Variants in CFH observed in about 807,000 individuals in gnomAD.
The protein encoded by CFH is H factor 1 (complement).
In CFH, 53 loss-of-function variants were observed where a neutral mutation model predicts 147.3. That is an observed-to-expected ratio of 0.36 (90% CI 0.29 to 0.45). CFH has a LOEUF of 0.45. Ranked by LOEUF, CFH falls within the 20% of genes least tolerant of loss-of-function variation. The pLI is 1.00. For synonymous variants in CFH, 536 were observed against 489.4 expected (o/e 1.10, Z -1.26); for missense variants, 1,380 against 1,498.0 (o/e 0.92, Z 1.30).
At chr1:196,690,939 T>C (rs1423081369) in intron 9 of CFH, among the ~76,000 whole-genome samples, 2 of 152,124 alleles carry the variant, frequency 1.3e-5, no homozygotes, top group African/African-American at 4.8e-5. Context: ...TGAACATGCC[T>C]AGTCCCAGGT....
At chr1:196,706,755 A>T (rs193192255) in intron 9 of CFH, among the ~76,000 whole-genome samples, 69 of 152,246 alleles carry the variant, frequency 4.5e-4, no homozygotes, top group African/African-American at 1.6e-3. Context: ...AAAATAATTT[A>T]AAAATACCTA....
At chr1:196,652,258 T>G in intron 1 of CFH, 83 bp downstream of exon 1, 1 of 1,128,210 alleles carries the variant, frequency 8.9e-7, no homozygotes, top group Non-Finnish European at 1.3e-6. Flanking sequence ...AATAAAAATT[T>G]GATTTAGAAA....
At chr1:196,692,598 C>T (rs1261232772) in intron 9 of CFH, among the ~76,000 whole-genome samples, 4 of 70,678 alleles carry the variant, frequency 5.7e-5, no homozygotes, top group Admixed American at 2.0e-4. Flanking sequence ...TCCTTCTCTT[C>T]CTTCTTTCTT....
chr1:196,695,928 T>C lies in CFH; in HGVS notation c.1336+5689T>C, dbSNP rs1668248765. Among the ~76,000 whole-genome samples, 3 of 152,230 alleles carry C rather than the reference T, an allele frequency of 2.0e-5. No individual in the cohort carries two copies. In the South Asian group the frequency reaches 6.2e-4, roughly 32 times the overall value. On this transcript the variant is annotated intron_variant, in intron 9 of 21. Transcript: ENST00000367429. ...TTGAGACAGTGGGGTTTTCTAAATA[T>C]ACCATCATGTCATCTGCAAAAAGAG...
At chr1:196,672,546 C>T (rs942358708) in intron 1 of CFH, among the ~76,000 whole-genome samples, 1 of 152,152 alleles carries the variant, frequency 6.6e-6, no homozygotes, top group African/African-American at 2.4e-5. Flanking sequence ...TAATAACTGG[C>T]TTCCCTAATA....
chr1:196,730,550 T>C (rs1669258405), intron 15 of CFH, among the ~76,000 whole-genome samples: 2 of 151,834 alleles, frequency 1.3e-5, no homozygotes, highest in South Asian at 4.1e-4. Flanking sequence ...AATATGTGTT[T>C]TTTTGTTATG....
intron 9 of CFH, among the ~76,000 whole-genome samples, chr1:196,697,713 T>C (rs1668320252): frequency 6.6e-6 from 1 of 152,116 alleles, no homozygotes; most frequent in Non-Finnish European, 1.5e-5. Flanking sequence ...CACGTATGTT[T>C]ATTGCGGCAC....
At chr1:196,702,522 T>TA in intron 9 of CFH, among the ~76,000 whole-genome samples, 1 of 73,390 alleles carries the variant, frequency 1.4e-5, no homozygotes, top group African/African-American at 7.5e-5. Flanking sequence ...GGAACAGGAT[T>TA]GAAAAAAAAA....
chr1:196,678,916 C>A (rs1178443366), intron 5 of CFH: 4 of 152,110 alleles, frequency 2.6e-5, no homozygotes, highest in Admixed American at 6.6e-5. Flanking sequence ...GCTGCATGCA[C>A]CATGCTGAAG....
intron 5 of CFH, chr1:196,677,919 C>T (rs1202644922): frequency 1.6e-5 from 7 of 449,912 alleles, no homozygotes; most frequent in African/African-American, 2.0e-5. Flanking sequence ...AGTTAAATCA[C>T]ATGCCCTGGA....
chr1:196,731,179 A>C (rs1269636923), intron 15 of CFH, among the ~76,000 whole-genome samples: 2 of 151,598 alleles, frequency 1.3e-5, no homozygotes. Flanking sequence ...TCATGGTTTG[A>C]TGACTTTCTG....
intron 9 of CFH, among the ~76,000 whole-genome samples, chr1:196,697,459 C>A (rs567038921): frequency 1.3e-4 from 20 of 152,234 alleles, no homozygotes; most frequent in African/African-American, 4.8e-4. Flanking sequence ...CAATGAGATA[C>A]CATCTCACAC....
chr1:196,725,393 T>C lies in CFH; in HGVS notation c.1873+96T>C, dbSNP rs529924768. On this transcript the variant is annotated intron_variant, in intron 12 of 21. Transcript: ENST00000367429. Reference sequence around the variant, plus strand: ...TTGTTTGGGCTCCCATTGCCTGTAATCTAATGAATTAAGTCAAATATTTGC... The same window carrying C: ...TTGTTTGGGCTCCCATTGCCTGTAACCTAATGAATTAAGTCAAATATTTGC... 3.7e-4 allele frequency: 434 copies of C among 1,170,602 alleles called. 4 individuals carry two copies. The highest frequency in any genetic ancestry group is 7.0e-5 in the Non-Finnish European group (55 of 786,350). 72.5% of individuals were successfully genotyped at this position (1,170,602 alleles called of 1,614,324 possible).
In CFH at chr1:196,740,748, C is replaced by A; in HGVS notation, c.2912C>A (p.Ala971Glu). Residue 971 changes from alanine (A) to glutamate (E), a missense_variant, in exon 18 of 22, where the codon GCA (alanine) becomes GAA (glutamate). Ala to Glu is a moderately radical substitution (Grantham distance 107). Around this residue, in one of 4 missense-constraint regions of CFH, gnomAD observed 830 missense variants for 821.4 expected, o/e 1.01. Coordinates refer to ENST00000367429, the MANE Select transcript of CFH (RefSeq NM_000186.4). ...TTTGGAATTGATGGGCCTGCAATTG[C>A]AAAATGCTTAGGAGAAAAATGGTCT... is the stretch of plus-strand genomic sequence containing the variant. ...EGFGIDGPAI[A>E]KCLGEKWSHP... 1 of 1,613,872 alleles carries A rather than the reference C, an allele frequency of 6.2e-7. No individual in the cohort carries two copies. Among genetic ancestry groups the A allele is most frequent in the Non-Finnish European group, 8.5e-7 (1 of 1,179,946 alleles).
chr1:196,737,365 T>G (rs996530482), intron 16 of CFH, 110 bp from the exon 17 acceptor site: 1 of 805,584 alleles, frequency 1.2e-6, no homozygotes, highest in Non-Finnish European at 2.0e-6. Flanking sequence ...TTAAATAATT[T>G]TATTTGTTCA....
chr1:196,685,343 C>T, intron 7 of CFH, 106 bp downstream of exon 7: 1 of 1,153,374 alleles, frequency 8.7e-7, no homozygotes, highest in Admixed American at 1.8e-5. Flanking sequence ...ATTGTATATA[C>T]AAAGTAAGGC....
chr1:196,711,810 G>T (rs1483910304), intron 9 of CFH, among the ~76,000 whole-genome samples: 2 of 151,966 alleles, frequency 1.3e-5, no homozygotes, highest in African/African-American at 4.8e-5. Context: ...CTCTGGTAGT[G>T]TTCTTCATCT....
At chr1:196,740,894 G>T (rs1000639398) in intron 18 of CFH, 102 bp downstream of exon 18, 87 of 1,215,680 alleles carry the variant, frequency 7.2e-5, no homozygotes, top group Non-Finnish European at 3.6e-5. Context: ...AAATTCATAA[G>T]GTTTTCTTGA....
At chr1:196,713,049 C>T (rs1668761759) in intron 9 of CFH, among the ~76,000 whole-genome samples, 2 of 151,926 alleles carry the variant, frequency 1.3e-5, no homozygotes, top group African/African-American at 2.4e-5. Flanking sequence ...CAAGTCTTTG[C>T]TATTGTGAAT....
Sources: allele counts gnomAD v4.1 joint callset (sites outside exome capture counted in the v4.1 genomes callset), GRCh38; gene constraint gnomAD v4.1.1; regional missense constraint gnomAD v4.1.1; transcripts MANE v1.5; gene names NCBI Gene and HGNC (gene_info 2026-07-23, HGNC 2026-07-21).